Variants in PRRX1 observed in about 807,000 individuals in gnomAD.
PRRX1 encodes the protein paired mesoderm homeobox protein 1.
In PRRX1, 8 loss-of-function variants were observed where a neutral mutation model predicts 24.0. The ratio of observed to expected loss-of-function variants is 0.33; its 90% CI spans 0.20 to 0.60. PRRX1 has a LOEUF of 0.60. PRRX1 is among the 20% of genes least tolerant of loss of function. PRRX1 has a pLI of 0.82. For synonymous variants in PRRX1, 160 were observed against 131.7 expected (o/e 1.22, Z -1.47); for missense variants, 281 against 322.4 (o/e 0.87, Z 0.98).
chr1:170,715,525 G>T (rs997903350), intron 1 of PRRX1, among the ~76,000 whole-genome samples: 1 of 152,108 alleles, frequency 6.6e-6, no homozygotes, highest in Non-Finnish European at 1.5e-5. Context: ...ATCAGAAAAG[G>T]TTTATAGAGA....
At chr1:170,735,053 A>G (rs1440156857) in intron 3 of PRRX1, among the ~76,000 whole-genome samples, 1 of 152,212 alleles carries the variant, frequency 6.6e-6, no homozygotes, top group Non-Finnish European at 1.5e-5. Context: ...TGCTAATCTT[A>G]GAAGCAACTA....
At chr1:170,694,405 T>C (rs1327824654) in intron 1 of PRRX1, among the ~76,000 whole-genome samples, 1 of 152,070 alleles carries the variant, frequency 6.6e-6, no homozygotes, top group Non-Finnish European at 1.5e-5. Context: ...CGTTGTAGAG[T>C]GGAAATGATT....
intron 1 of PRRX1, among the ~76,000 whole-genome samples, chr1:170,680,620 C>T (rs1200033934): frequency 2.6e-5 from 4 of 152,296 alleles, no homozygotes; most frequent in African/African-American, 9.6e-5. Flanking sequence ...TATGCTCCTG[C>T]AAATCTTGTT....
At chr1:170,665,869 G>A (rs529361375) in intron 1 of PRRX1, among the ~76,000 whole-genome samples, 10 of 152,322 alleles carry the variant, frequency 6.6e-5, no homozygotes, top group South Asian at 2.1e-4. Flanking sequence ...ACTGCTACAG[G>A]AACTGAATGA....
At chr1:170,694,767 A>G (rs1216066847) in intron 1 of PRRX1, among the ~76,000 whole-genome samples, 8 of 152,176 alleles carry the variant, frequency 5.3e-5, no homozygotes, top group Non-Finnish European at 1.5e-5. Flanking sequence ...TCCTGTAGTA[A>G]TCAAATGCTC....
intron 1 of PRRX1, among the ~76,000 whole-genome samples, chr1:170,689,743 T>A (rs1176764647): frequency 6.6e-6 from 1 of 151,736 alleles, no homozygotes; most frequent in East Asian, 1.9e-4. Flanking sequence ...GGGGAGTGCA[T>A]GGGATACACA....
chr1:170,668,935 T>A (rs1179138070), intron 1 of PRRX1: 1 of 152,128 alleles, frequency 6.6e-6, no homozygotes, highest in African/African-American at 2.4e-5. Context: ...ATTAAGTGCC[T>A]CACTGAGTCC....
intron 1 of PRRX1, among the ~76,000 whole-genome samples, chr1:170,707,093 C>G (rs1431708743): frequency 2.0e-5 from 3 of 151,720 alleles, no homozygotes; most frequent in African/African-American, 7.3e-5. Context: ...CACCGTACCC[C>G]AGCCTGGGTG....
intron 1 of PRRX1, chr1:170,668,531 T>C (rs1258581466): frequency 6.6e-6 from 1 of 152,098 alleles, no homozygotes; most frequent in African/African-American, 2.4e-5. Flanking sequence ...GGGATGCAAA[T>C]ACAAAACAGC....
At chr1:170,717,580 A>C (rs1571342643) in intron 1 of PRRX1, among the ~76,000 whole-genome samples, 1 of 152,222 alleles carries the variant, frequency 6.6e-6, no homozygotes, top group East Asian at 1.9e-4. Context: ...GTCTCAGTTA[A>C]AACAAAGTAC....
In PRRX1 at chr1:170,684,718, A is replaced by C. The variant is rs148085296; in HGVS notation, c.241+20259A>C. On this transcript the variant is annotated intron_variant, in intron 1 of 3. Transcript: ENST00000239461. ...CAGTGAGCCAAGATCATGCCACTGC[A>C]TTCCAGCCTGGACAACAGAGTGAGA... 8.0e-3 allele frequency among the ~76,000 whole-genome samples: 1,226 copies of C among 152,324 alleles called. 24 individuals are homozygous for C. The highest frequency in any genetic ancestry group is 0.028 in the African/African-American group (1,145 of 41,578).
At chr1:170,730,251 T>G (rs1400587283) in intron 3 of PRRX1, 1 of 1,577,000 alleles carries the variant, frequency 6.3e-7, no homozygotes, top group Non-Finnish European at 8.7e-7. Flanking sequence ...TTGGCTTATT[T>G]CTCCCTTTCA....
At chr1:170,669,406 A>C (rs1343055143) in intron 1 of PRRX1, 2 of 124,714 alleles carry the variant, frequency 1.6e-5, no homozygotes, top group Non-Finnish European at 3.2e-5. Context: ...ACAAGATGTC[A>C]CCTTCAGGCT....
At position 170,737,942 on chromosome 1, in the gene PRRX1, G is replaced by A. The variant is rs995057765; in HGVS notation, c.*1756G>A. On this transcript the variant is annotated 3_prime_UTR_variant, in exon 4 of 4. Transcript: ENST00000239461. ...GTGTACAATGTTAATGGAATGATACGGTACCTGAAAGCCTTGTTTTCTAGT... is the reference window on the plus strand; with the variant it reads ...GTGTACAATGTTAATGGAATGATACAGTACCTGAAAGCCTTGTTTTCTAGT... 4 of 216,266 alleles carry A rather than the reference G, an allele frequency of 1.8e-5. No homozygotes were observed. Among genetic ancestry groups the A allele is most frequent in the Non-Finnish European group, 3.7e-5 (4 of 107,218 alleles). 13.4% of individuals were successfully genotyped at this position (216,266 alleles called of 1,614,324 possible).
chr1:170,728,964 T>C (rs1285203745), intron 3 of PRRX1: 2 of 152,240 alleles, frequency 1.3e-5, no homozygotes, highest in Admixed American at 6.5e-5. Context: ...TTATGTCAAG[T>C]TAGTTATCTC....
chr1:170,708,146 G>T (rs1023606016), intron 1 of PRRX1, among the ~76,000 whole-genome samples: 1 of 152,108 alleles, frequency 6.6e-6, no homozygotes, highest in Non-Finnish European at 1.5e-5. Flanking sequence ...TGAGGATTTG[G>T]AAGTGCTGGT....
At chr1:170,690,207 G>A (rs189647746) in intron 1 of PRRX1, among the ~76,000 whole-genome samples, 103 of 151,772 alleles carry the variant, frequency 6.8e-4, no homozygotes, top group African/African-American at 2.4e-3. Flanking sequence ...CATCAGATAA[G>A]GTCTGGTCCG....
chr1:170,726,428 C>T (rs1172601005), intron 3 of PRRX1, 27 bp downstream of exon 3: 2 of 1,606,714 alleles, frequency 1.2e-6, no homozygotes, highest in African/African-American at 1.3e-5. Context: ...CTCTCCCTTG[C>T]TCCACTTCCA....
At chr1:170,729,900 C>T (rs1047142455) in intron 3 of PRRX1, among the ~76,000 whole-genome samples, 1 of 152,218 alleles carries the variant, frequency 6.6e-6, no homozygotes, top group Admixed American at 6.5e-5. Flanking sequence ...CACACACAAG[C>T]ACCAGAATTA....
Sources: allele counts gnomAD v4.1 joint callset (sites outside exome capture counted in the v4.1 genomes callset), GRCh38; gene constraint gnomAD v4.1.1; transcripts MANE v1.5; gene names NCBI Gene and HGNC (gene_info 2026-07-23, HGNC 2026-07-21).